Variants in ITGA8 observed in about 807,000 individuals in gnomAD.
ITGA8 encodes integrin alpha-8.
Under a neutral mutation model 142.3 loss-of-function variants are expected in ITGA8, and 91 were observed. The observed-to-expected ratio is 0.64, with a 90% CI of 0.54 to 0.76. The LOEUF (loss-of-function observed/expected upper bound fraction) is 0.76, where lower values mean the gene tolerates loss of function less well. Ranked by LOEUF, ITGA8 falls within the 30% of genes least tolerant of loss-of-function variation. ITGA8 has a pLI of 0.00. For synonymous variants in ITGA8, 505 were observed against 485.2 expected (o/e 1.04, Z -0.54); for missense variants, 1,406 against 1,327.7 (o/e 1.06, Z -0.92).
chr10:15,586,475 T>G, intron 23 of ITGA8, 109 bp downstream of exon 23: 1 of 633,480 alleles, frequency 1.6e-6, no homozygotes, highest in Non-Finnish European at 2.9e-6. Flanking sequence ...ATATCCAAAA[T>G]GAACTGTGAT....
In ITGA8 at chr10:15,556,069, C is replaced by T. The variant is rs552052377; in HGVS notation, c.2766+2005G>A. On this transcript the variant is annotated intron_variant, in intron 26 of 29. Coordinates refer to ENST00000378076, the MANE Select transcript of ITGA8 (RefSeq NM_003638.3). ...TGAGACCAAGTCTCACTCTGTCTCC[C>T]AGGCTGGAGTGCAGTGGCACGATCT... Among the ~76,000 whole-genome samples the T allele has an allele frequency of 6.6e-5, 9 of 135,690 alleles. No individual in the cohort carries two copies. The East Asian group carries it at 2.0e-3, about 30-fold the overall frequency. 89.0% of individuals were successfully genotyped at this position (135,690 alleles called of 152,430 possible).
intron 8 of ITGA8, among the ~76,000 whole-genome samples, chr10:15,663,498 A>C (rs947526569): frequency 6.6e-6 from 1 of 152,108 alleles, no homozygotes; most frequent in Non-Finnish European, 1.5e-5. Context: ...CTTTCCCTAC[A>C]ATATACTCTT....
rs1157753046 is a variant in ITGA8, at chr10:15,694,259, TA to T, written c.344-6222del. Reference sequence around the variant, plus strand: ...AATATATCATATATATGATAACATATACATCAGATAATATATCATACATCAG... The same window carrying T: ...AATATATCATATATATGATAACATATCATCAGATAATATATCATACATCAG... On this transcript the variant is annotated intron_variant, in intron 2 of 29. Coordinates refer to ENST00000378076, the MANE Select transcript of ITGA8 (RefSeq NM_003638.3). Among the ~76,000 whole-genome samples the T allele has an allele frequency of 5.2e-3, 531 of 101,478 alleles. 15 individuals carry two copies. Among genetic ancestry groups the T allele is most frequent in the African/African-American group, 0.014 (426 of 30,842 alleles). 66.6% of individuals were successfully genotyped at this position (101,478 alleles called of 152,430 possible).
rs190652869 is a variant in ITGA8, at chr10:15,655,643, A to G, written c.949-237T>C. ...GGACATCCTCTGGGGATGTTCAACAATCAGCCCATTTAATCTGTGGACACA... is the reference window on the plus strand; with the variant it reads ...GGACATCCTCTGGGGATGTTCAACAGTCAGCCCATTTAATCTGTGGACACA... On this transcript the variant is annotated intron_variant, in intron 10 of 29. Coordinates refer to ENST00000378076, the MANE Select transcript of ITGA8 (RefSeq NM_003638.3). Among the ~76,000 whole-genome samples, 403 of 152,298 alleles carry G rather than the reference A, an allele frequency of 2.6e-3. 3 individuals are homozygous for G. Among genetic ancestry groups the G allele is most frequent in the African/African-American group, 8.7e-3 (363 of 41,576 alleles).
intron 15 of ITGA8, 112 bp downstream of exon 15, chr10:15,613,548 T>G: frequency 1.3e-6 from 1 of 778,946 alleles, no homozygotes; most frequent in Non-Finnish European, 2.2e-6. Flanking sequence ...TTTCGAGAAA[T>G]GCAAAATCTA....
At chr10:15,586,696 T>A in intron 22 of ITGA8, 32 bp from the exon 23 acceptor site, 1 of 1,258,812 alleles carries the variant, frequency 7.9e-7, no homozygotes, top group South Asian at 1.2e-5. Context: ...TTTAAATCTA[T>A]CTGCTCAGGA....
chr10:15,572,255 G>A lies in ITGA8; in HGVS notation c.2593C>T (p.Leu865=). The change falls in exon 25 of 30, where the codon CTG becomes TTG. Residue 865 remains leucine, a synonymous_variant. Coordinates refer to ENST00000378076, the MANE Select transcript of ITGA8 (RefSeq NM_003638.3). ...YIFHIQTLGP[L]QCQPNPNINP... Reference sequence around the variant, plus strand: ...ATATTAGGATTTGGTTGGCACTGCAGAGGTCCCAGAGTTTGAATATGGAAA... The same window carrying A: ...ATATTAGGATTTGGTTGGCACTGCAAAGGTCCCAGAGTTTGAATATGGAAA... 6.2e-7 allele frequency: 1 copy of A among 1,613,972 alleles called. No homozygotes were observed. Among genetic ancestry groups the A allele is most frequent in the East Asian group, 2.2e-5 (1 of 44,872 alleles).
intron 13 of ITGA8, among the ~76,000 whole-genome samples, chr10:15,632,975 T>G (rs950760066): frequency 1.3e-5 from 2 of 152,180 alleles, no homozygotes; most frequent in African/African-American, 4.8e-5. Context: ...GTGGTTCATC[T>G]CATTATCCTC....
intron 2 of ITGA8, among the ~76,000 whole-genome samples, chr10:15,711,085 G>T (rs1409155582): frequency 1.3e-5 from 2 of 152,190 alleles, no homozygotes; most frequent in African/African-American, 4.8e-5. Flanking sequence ...GCTCTCTTCA[G>T]TGACTACCAG....
intron 26 of ITGA8, among the ~76,000 whole-genome samples, chr10:15,554,771 G>C (rs948189282): frequency 6.7e-6 from 1 of 150,146 alleles, no homozygotes; most frequent in Non-Finnish European, 1.5e-5. Context: ...GAAGAAAAGA[G>C]GTTTAATTGA....
intron 2 of ITGA8, 77 bp from the exon 3 acceptor site, chr10:15,688,115 TA>T: frequency 4.1e-6 from 4 of 969,606 alleles, no homozygotes; most frequent in Non-Finnish European, 6.7e-6. Flanking sequence ...ATTTGTACAT[TA>T]AAAATACTTG....
intron 26 of ITGA8, among the ~76,000 whole-genome samples, chr10:15,552,150 T>C (rs549468029): frequency 6.6e-6 from 1 of 152,236 alleles, no homozygotes; most frequent in South Asian, 2.1e-4. Context: ...TTTCTTTTTT[T>C]TTTTGAGACA....
chr10:15,716,535 A>G (rs1331497006), intron 2 of ITGA8, among the ~76,000 whole-genome samples: 3 of 152,356 alleles, frequency 2.0e-5, no homozygotes, highest in Admixed American at 6.5e-5. Flanking sequence ...TTCAGCTACA[A>G]TAAGGGTTAA....
At chr10:15,564,881 T>G (rs1564354004) in intron 25 of ITGA8, among the ~76,000 whole-genome samples, 2 of 152,206 alleles carry the variant, frequency 1.3e-5, no homozygotes, top group African/African-American at 4.8e-5. Context: ...AGACAAGCCC[T>G]GGGGGGCAGT....
At chr10:15,694,840 C>G (rs866891216) in intron 2 of ITGA8, among the ~76,000 whole-genome samples, 2 of 151,314 alleles carry the variant, frequency 1.3e-5, no homozygotes, top group Non-Finnish European at 2.9e-5. Context: ...TATGACACCT[C>G]ACAACATTGT....
Position 15,527,200 on chromosome 10 carries a change from A to C in ITGA8, c.2982+3850T>G, listed in dbSNP as rs78291614. Among the ~76,000 whole-genome samples, 535 of 152,328 alleles carry C rather than the reference A, an allele frequency of 3.5e-3. 3 individuals are homozygous for C. The highest frequency in any genetic ancestry group is 0.012 in the African/African-American group (512 of 41,580). ...AACATTTAAACAGTTTCCTTATGAG[A>C]CAAGCAGTTCCCATCATAAATTTCA... On this transcript the variant is annotated intron_variant, in intron 28 of 29. Coordinates refer to ENST00000378076, the MANE Select transcript of ITGA8 (RefSeq NM_003638.3).
chr10:15,595,709 G>T (rs1357244726), intron 21 of ITGA8, among the ~76,000 whole-genome samples: 2 of 152,072 alleles, frequency 1.3e-5, no homozygotes, highest in Admixed American at 6.5e-5. Flanking sequence ...TACAGATGCT[G>T]ACACTGTTAC....
Position 15,516,600 on chromosome 10 carries a change from T to C in ITGA8, c.*558A>G, listed in dbSNP as rs372396639. 4 of 152,248 alleles carry C rather than the reference T, an allele frequency of 2.6e-5. No homozygotes were observed. The highest frequency in any genetic ancestry group is 7.2e-5 in the African/African-American group (3 of 41,482). 9.4% of individuals were successfully genotyped at this position (152,248 alleles called of 1,614,324 possible). ...ACTCTCACCCTCACTCACAAGATTATTTTTGTCCTTTCAAAAGTACTTTCA... is the reference window on the plus strand; with the variant it reads ...ACTCTCACCCTCACTCACAAGATTACTTTTGTCCTTTCAAAAGTACTTTCA... On this transcript the variant is annotated 3_prime_UTR_variant, in exon 30 of 30. Coordinates refer to ENST00000378076, the MANE Select transcript of ITGA8 (RefSeq NM_003638.3).
intron 23 of ITGA8, among the ~76,000 whole-genome samples, chr10:15,579,985 A>G (rs1834375674): frequency 6.6e-6 from 1 of 151,874 alleles, no homozygotes; most frequent in South Asian, 2.1e-4. Context: ...CAAAGAGAGC[A>G]CGAGAAAGGA....
Sources: allele counts gnomAD v4.1 joint callset (sites outside exome capture counted in the v4.1 genomes callset), GRCh38; gene constraint gnomAD v4.1.1; transcripts MANE v1.5; gene names NCBI Gene and HGNC (gene_info 2026-07-23, HGNC 2026-07-21).